Variants in MBD2 observed in about 807,000 individuals in gnomAD.
The protein encoded by MBD2 is methyl-CpG binding domain protein 2, also known as methyl-CpG-binding domain protein 2.
In MBD2, 9 loss-of-function variants were observed where a neutral mutation model predicts 39.3. The observed-to-expected ratio is 0.23, with a 90% CI of 0.14 to 0.40. MBD2 has a LOEUF of 0.40. MBD2 is among the 10% of genes least tolerant of loss of function. The pLI, the probability that MBD2 is intolerant of heterozygous loss-of-function variation, is 1.00. For synonymous variants in MBD2, 233 were observed against 211.1 expected (o/e 1.10, Z -0.90); for missense variants, 458 against 532.6 (o/e 0.86, Z 1.38).
intron 1 of MBD2, among the ~76,000 whole-genome samples, chr18:54,223,089 T>C (rs1282667217): frequency 6.6e-6 from 1 of 152,232 alleles, no homozygotes; most frequent in South Asian, 2.1e-4. Flanking sequence ...TATATTATCT[T>C]CTATCAATAG....
intron 5 of MBD2, among the ~76,000 whole-genome samples, chr18:54,162,633 G>A (rs1180605660): frequency 3.3e-5 from 5 of 152,176 alleles, no homozygotes; most frequent in Admixed American, 6.5e-5. Context: ...ACACATATAA[G>A]GACCTGGCAG....
chr18:54,182,314 A>G (rs1302881983), intron 3 of MBD2, among the ~76,000 whole-genome samples: 2 of 152,198 alleles, frequency 1.3e-5, no homozygotes, highest in Non-Finnish European at 2.9e-5. Context: ...TCTAAATCCA[A>G]ACTTGGTAAA....
At chr18:54,155,809 G>A (rs1039603543) in intron 6 of MBD2, among the ~76,000 whole-genome samples, 1 of 152,150 alleles carries the variant, frequency 6.6e-6, no homozygotes, top group South Asian at 2.1e-4. Flanking sequence ...ATGGCACTGT[G>A]CAACTGCAAA....
intron 6 of MBD2, 25 bp downstream of exon 6, chr18:54,159,740 G>A (rs1385181961): frequency 3.1e-6 from 5 of 1,599,634 alleles, no homozygotes; most frequent in Non-Finnish European, 4.2e-6. Context: ...TAAGTTCCAA[G>A]TCACTCTCTC....
intron 2 of MBD2, among the ~76,000 whole-genome samples, chr18:54,199,246 GGTAAA>G (rs1321533942): frequency 6.6e-6 from 1 of 152,136 alleles, no homozygotes; most frequent in East Asian, 1.9e-4. Flanking sequence ...CATTGAAACT[GGTAAA>G]GTCACCAGTT....
chr18:54,196,104 T>C (rs1382420000), intron 2 of MBD2, among the ~76,000 whole-genome samples: 2 of 152,190 alleles, frequency 1.3e-5, no homozygotes, highest in Non-Finnish European at 2.9e-5. Context: ...AAATATATAA[T>C]TCAGTGGTTT....
chr18:54,206,746 A>G (rs1294969514), intron 1 of MBD2, among the ~76,000 whole-genome samples: 1 of 151,112 alleles, frequency 6.6e-6, no homozygotes, highest in African/African-American at 2.4e-5. Context: ...GCAGATGAAA[A>G]TAACAACCAG....
At chr18:54,164,407 T>C (rs2086116107) in intron 5 of MBD2, 116 bp downstream of exon 5, 1 of 876,412 alleles carries the variant, frequency 1.1e-6, no homozygotes, top group Non-Finnish European at 1.7e-6. Flanking sequence ...AAAAGAAAAG[T>C]ATAACTTTCT....
In MBD2 at chr18:54,222,955, G is replaced by C. The variant is rs898827817; in HGVS notation, c.542+1063C>G. Reference sequence around the variant, plus strand: ...TTCCCAGAGCTACTTGAAGAGGACAGGAAATCCTTTATAACATTATTACAA... The same window carrying C: ...TTCCCAGAGCTACTTGAAGAGGACACGAAATCCTTTATAACATTATTACAA... On this transcript the variant is annotated intron_variant, in intron 1 of 6. Coordinates refer to ENST00000256429, the MANE Select transcript of MBD2 (RefSeq NM_003927.5). 2.6e-5 allele frequency among the ~76,000 whole-genome samples: 4 copies of C among 152,302 alleles called. No individual in the cohort carries two copies. In the East Asian group the frequency reaches 7.7e-4, roughly 29 times the overall value.
chr18:54,211,182 T>A (rs1162437496), intron 1 of MBD2, among the ~76,000 whole-genome samples: 1 of 152,124 alleles, frequency 6.6e-6, no homozygotes, highest in Non-Finnish European at 1.5e-5. Context: ...ACTTTCTATT[T>A]TTTAAAATCT....
At chr18:54,190,059 G>A (rs1362335392) in intron 2 of MBD2, among the ~76,000 whole-genome samples, 1 of 152,110 alleles carries the variant, frequency 6.6e-6, no homozygotes, top group Non-Finnish European at 1.5e-5. Context: ...CAGCAATTAG[G>A]AGGCCAGACT....
intron 2 of MBD2, among the ~76,000 whole-genome samples, chr18:54,194,270 C>T (rs1264011336): frequency 6.6e-6 from 1 of 152,056 alleles, no homozygotes; most frequent in African/African-American, 2.4e-5. Context: ...TAAATGCACC[C>T]ACCATTACCT....
chr18:54,194,821 A>G (rs573927705), intron 2 of MBD2, among the ~76,000 whole-genome samples: 3 of 152,102 alleles, frequency 2.0e-5, no homozygotes, highest in African/African-American at 4.8e-5. Context: ...AAAATTTAAC[A>G]ATCAGTCAAC....
chr18:54,207,998 A>G (rs2086465020), intron 1 of MBD2, among the ~76,000 whole-genome samples: 1 of 152,138 alleles, frequency 6.6e-6, no homozygotes, highest in South Asian at 2.1e-4. Context: ...AGATCGCACC[A>G]CTGCACTCCA....
Position 54,152,158 on chromosome 18 carries a change from T to A in MBD2, c.*3166A>T, listed in dbSNP as rs1055495587. 8 of 152,146 alleles carry A rather than the reference T, an allele frequency of 5.3e-5. No individual in the cohort carries two copies. The highest frequency in any genetic ancestry group is 1.9e-4 in the African/African-American group (8 of 41,392). The allele number at this position is 152,146 out of a possible 1,614,324, so 9.4% of individuals were successfully genotyped here. A position where few individuals can be genotyped will look rare whatever the true frequency, so the allele number is the denominator to read the frequency against. ...GGAACAGGGAAGGCGGGAAAGAACA[T>A]CTGCCTGAAGAAATCAGGGACAGCT... is the stretch of plus-strand genomic sequence containing the variant. On this transcript the variant is annotated 3_prime_UTR_variant, in exon 7 of 7. Transcript: ENST00000256429.
chr18:54,211,942 G>A lies in MBD2; in HGVS notation c.543-6785C>T, dbSNP rs143703585. Among the ~76,000 whole-genome samples the A allele has an allele frequency of 2.2e-3, 337 of 151,238 alleles. 2 individuals are homozygous for A. Among genetic ancestry groups the A allele is most frequent in the African/African-American group, 7.6e-3 (310 of 41,046 alleles). ...ACAATCTCAGCTCACTGCAACCTCC[G>A]TCTCCTGCCTTCAAGCGATTCTCCT... On this transcript the variant is annotated intron_variant, in intron 1 of 6. Transcript: ENST00000256429.
chr18:54,211,500 T>C (rs995812215), intron 1 of MBD2, among the ~76,000 whole-genome samples: 3 of 152,084 alleles, frequency 2.0e-5, no homozygotes, highest in Admixed American at 6.6e-5. Flanking sequence ...TCTTTAAATG[T>C]AGGCCTTTCC....
chr18:54,181,572 T>G (rs2086252226), intron 3 of MBD2, among the ~76,000 whole-genome samples: 1 of 152,126 alleles, frequency 6.6e-6, no homozygotes, highest in African/African-American at 2.4e-5. Flanking sequence ...CGATCTCGGC[T>G]CACTACAACC....
At chr18:54,219,680 T>C (rs2144355265) in intron 1 of MBD2, among the ~76,000 whole-genome samples, 1 of 152,300 alleles carries the variant, frequency 6.6e-6, no homozygotes, top group East Asian at 1.9e-4. Context: ...CATTTATTTT[T>C]TGTTTGTTTG....
Sources: allele counts gnomAD v4.1 joint callset (sites outside exome capture counted in the v4.1 genomes callset), GRCh38; gene constraint gnomAD v4.1.1; transcripts MANE v1.5; gene names NCBI Gene and HGNC (gene_info 2026-07-23, HGNC 2026-07-21).